PRKN: variants seen among roughly 807,000 people sequenced by gnomAD.
The protein encoded by PRKN is E3 ubiquitin-protein ligase parkin.
In PRKN, 56 loss-of-function variants were observed where a neutral mutation model predicts 59.5. The observed-to-expected ratio is 0.94, with a 90% CI of 0.76 to 1.18. The LOEUF is 1.18. PRKN is among the 50% of genes most tolerant of loss of function. The probability of loss-of-function intolerance (pLI) is 0.00; values close to 1 mark genes in which losing one functional copy is unlikely to be tolerated. For synonymous variants in PRKN, 250 were observed against 222.1 expected (o/e 1.13, Z -1.12); for missense variants, 657 against 596.4 (o/e 1.10, Z -1.06).
chr6:162,233,033 GAAC>G (rs1583237052), intron 3 of PRKN, among the ~76,000 whole-genome samples: 1 of 152,068 alleles, frequency 6.6e-6, no homozygotes, highest in African/African-American at 2.4e-5. Context: ...GAGCACTAAT[GAAC>G]AACTATATTT....
Position 162,565,691 on chromosome 6 carries a change from A to AAAAT in PRKN, c.8-122222_8-122219dup, listed in dbSNP as rs577557761. ...GGTGACAAGAGTGAAACTCAGTCTCAAAATAAATACATACATACATACATA... is the reference window on the plus strand; with the variant it reads ...GGTGACAAGAGTGAAACTCAGTCTCAAAATAAATAAATACATACATACATACATA... On this transcript the variant is annotated intron_variant, in intron 1 of 11. Transcript: ENST00000366898. Among the ~76,000 whole-genome samples the AAAAT allele has an allele frequency of 7.9e-3, 1,063 of 135,274 alleles. 7 individuals are homozygous for AAAAT. Among genetic ancestry groups the AAAAT allele is most frequent in the South Asian group, 0.018 (70 of 3,930 alleles). 88.7% of individuals were successfully genotyped at this position (135,274 alleles called of 152,430 possible). A position where few individuals can be genotyped will look rare whatever the true frequency, so the allele number is the denominator to read the frequency against.
At chr6:162,307,772 C>A (rs1222635455) in intron 2 of PRKN, among the ~76,000 whole-genome samples, 1 of 152,108 alleles carries the variant, frequency 6.6e-6, no homozygotes, top group Non-Finnish European at 1.5e-5. Context: ...TGAACAACAT[C>A]CATGCTCCCA....
chr6:161,649,149 G>A (rs1784063509), intron 7 of PRKN, among the ~76,000 whole-genome samples: 1 of 152,192 alleles, frequency 6.6e-6, no homozygotes, highest in African/African-American at 2.4e-5. Flanking sequence ...AAAAGACAGT[G>A]AGACAATTCT....
At chr6:161,774,216 C>G (rs1195548100) in intron 7 of PRKN, among the ~76,000 whole-genome samples, 1 of 152,048 alleles carries the variant, frequency 6.6e-6, no homozygotes, top group African/African-American at 2.4e-5. Flanking sequence ...AGTGTTGTTC[C>G]TGTTGCAAGC....
intron 1 of PRKN, among the ~76,000 whole-genome samples, chr6:162,646,230 A>C (rs1388038231): frequency 2.0e-5 from 3 of 150,804 alleles, no homozygotes; most frequent in African/African-American, 7.3e-5. Context: ...GAAACCAAAC[A>C]TATAAAATAA....
In PRKN at chr6:161,771,368, A is replaced by T. The variant is rs950354305; in HGVS notation, c.871+14404T>A. Among the ~76,000 whole-genome samples the T allele has an allele frequency of 3.5e-4, 19 of 54,616 alleles. 1 individual carries two copies. Among genetic ancestry groups the T allele is most frequent in the Admixed American group, 1.6e-3 (8 of 5,126 alleles). 35.8% of individuals were successfully genotyped at this position (54,616 alleles called of 152,430 possible). ...AAGACTCCACCTCAAAAAAAAAAAA[A>T]AAATAAAATAAAATAAAATAAAATA... On this transcript the variant is annotated intron_variant, in intron 7 of 11. Coordinates refer to ENST00000366898, the MANE Select transcript of PRKN (RefSeq NM_004562.3).
intron 2 of PRKN, among the ~76,000 whole-genome samples, chr6:162,394,391 G>A (rs1787370922): frequency 1.3e-5 from 2 of 152,114 alleles, no homozygotes; most frequent in Admixed American, 6.5e-5. Flanking sequence ...TCCTTATCAT[G>A]GCGTTCCTAC....
At chr6:162,592,612 G>C (rs1562416728) in intron 1 of PRKN, among the ~76,000 whole-genome samples, 5 of 152,228 alleles carry the variant, frequency 3.3e-5, no homozygotes, top group Admixed American at 2.6e-4. Flanking sequence ...ACAACCAAAA[G>C]AGGTGTGTTC....
intron 6 of PRKN, among the ~76,000 whole-genome samples, chr6:161,814,378 G>A (rs1334085724): frequency 1.3e-5 from 2 of 152,206 alleles, no homozygotes; most frequent in African/African-American, 4.8e-5. Flanking sequence ...CCATTCTCAT[G>A]TTGCTAATAA....
At chr6:161,747,369 A>G (rs1049087847) in intron 7 of PRKN, among the ~76,000 whole-genome samples, 2 of 151,966 alleles carry the variant, frequency 1.3e-5, no homozygotes, top group Non-Finnish European at 2.9e-5. Context: ...ATTCACATAA[A>G]CCAAGGTAAT....
intron 4 of PRKN, among the ~76,000 whole-genome samples, chr6:162,133,936 T>C (rs1337781913): frequency 6.6e-6 from 1 of 152,006 alleles, no homozygotes; most frequent in East Asian, 1.9e-4. Flanking sequence ...GCATTTTTAG[T>C]AGAAAAAGAA....
At chr6:161,759,373 G>A (rs1272957121) in intron 7 of PRKN, among the ~76,000 whole-genome samples, 2 of 152,054 alleles carry the variant, frequency 1.3e-5, no homozygotes, top group African/African-American at 4.8e-5. Flanking sequence ...AGGTTGGCCA[G>A]TCACTGTAAA....
intron 4 of PRKN, among the ~76,000 whole-genome samples, chr6:162,112,161 C>G (rs577414068): frequency 6.6e-6 from 1 of 152,282 alleles, no homozygotes; most frequent in African/African-American, 2.4e-5. Flanking sequence ...TGTGAAAACT[C>G]GAATATCTTT....
At chr6:161,666,571 TTAAG>T (rs1562594536) in intron 7 of PRKN, among the ~76,000 whole-genome samples, 1 of 152,096 alleles carries the variant, frequency 6.6e-6, no homozygotes, top group African/African-American at 2.4e-5. Context: ...CTTATTGATT[TTAAG>T]TAAGAAAAAA....
In PRKN at chr6:161,386,926, G is replaced by T; in HGVS notation, c.1084-49C>A. ...AATTAGGGACATTAGGTTGCATTTG[G>T]CAATAACACATTTTTCCTTTTCCAA... On this transcript the variant is annotated intron_variant, in intron 9 of 11. Coordinates refer to ENST00000366898, the MANE Select transcript of PRKN (RefSeq NM_004562.3). This position sits in a 1 kb window ranked among gnomAD's most constrained non-coding sequence, Gnocchi z 4.3. 7.0e-7 allele frequency: 1 copy of T among 1,434,072 alleles called. No homozygotes were observed. Among genetic ancestry groups the T allele is most frequent in the Non-Finnish European group, 9.8e-7 (1 of 1,015,676 alleles). 88.8% of individuals were successfully genotyped at this position (1,434,072 alleles called of 1,614,324 possible).
intron 3 of PRKN, among the ~76,000 whole-genome samples, chr6:162,252,970 T>C (rs1349305383): frequency 2.1e-4 from 32 of 152,246 alleles, no homozygotes; most frequent in Admixed American, 2.0e-3. Flanking sequence ...TGTTAGGTAC[T>C]GCAACAGCCC....
In PRKN at chr6:161,582,429, T is replaced by TATG. The variant is rs1379023681; in HGVS notation, c.872-13014_872-13013insCAT. Among the ~76,000 whole-genome samples the TATG allele has an allele frequency of 6.6e-6, 1 of 150,622 alleles. No individual in the cohort carries two copies. Among genetic ancestry groups the TATG allele is most frequent in the Non-Finnish European group, 1.5e-5 (1 of 67,740 alleles). ...ATCTGCAGACTATTATTATTATTAT[T>TATG]ATTATTATTATTTTTGAGACAGAGT... is the stretch of plus-strand genomic sequence containing the variant. On this transcript the variant is annotated intron_variant, in intron 7 of 11. Transcript: ENST00000366898. The surrounding 1 kb of genome is among the most constrained non-coding windows in gnomAD (Gnocchi z 4.4).
At position 161,405,982 on chromosome 6, in the gene PRKN, G is replaced by C. The variant is rs900160747; in HGVS notation, c.1084-19105C>G. ...CATATATCTGACACTGGCTCAGCAT[G>C]GGAGTAAACCCACCTCCTTAAGAGC... On this transcript the variant is annotated intron_variant, in intron 9 of 11. Coordinates refer to ENST00000366898, the MANE Select transcript of PRKN (RefSeq NM_004562.3). This position sits in a 1 kb window ranked among gnomAD's most constrained non-coding sequence, Gnocchi z 5.1. Among the ~76,000 whole-genome samples, 1 of 152,110 alleles carries C rather than the reference G, an allele frequency of 6.6e-6. No homozygotes were observed. Among genetic ancestry groups the C allele is most frequent in the Admixed American group, 6.6e-5 (1 of 15,262 alleles).
chr6:161,380,012 C>T (rs1429740066), intron 10 of PRKN, among the ~76,000 whole-genome samples: 2 of 152,214 alleles, frequency 1.3e-5, no homozygotes, highest in African/African-American at 4.8e-5. Context: ...AAGCTCCTGC[C>T]TGTGGCTGAT....
Sources: gnomAD v4.1 joint callset for allele counts (sites outside exome capture counted in the v4.1 genomes callset) on GRCh38, gnomAD v4.1.1 for gene constraint, Gnocchi (gnomAD v3.1) non-coding constraint, MANE v1.5 for transcripts, NCBI Gene and HGNC (gene_info 2026-07-23, HGNC 2026-07-21) for gene names.